The following DHX8 variants were observed in gnomAD, a reference collection of about 807,000 sequenced individuals.
The protein encoded by DHX8 is ATP-dependent RNA helicase DHX8.
Under a neutral mutation model 140.7 loss-of-function variants are expected in DHX8, and 67 were observed. The observed-to-expected ratio is 0.48, with a 90% CI of 0.39 to 0.58. DHX8 has a LOEUF of 0.58. Among genes scored for constraint, DHX8 ranks in the 20% least tolerant of loss-of-function variants. DHX8 has a pLI of 0.00. For missense variants in DHX8, 887 were observed against 1,550.7 expected, an observed-to-expected ratio of 0.57 and a Z score of 7.19; for synonymous variants, 533 against 553.2, an observed-to-expected ratio of 0.96 and a Z score of 0.51.
chr17:43,492,371 T>C, intron 5 of DHX8, 79 bp downstream of exon 5: 5 of 1,148,806 alleles, frequency 4.4e-6, no homozygotes, highest in Non-Finnish European at 6.4e-6. Flanking sequence ...AAGCAAAATT[T>C]TGGGCAAGTT....
intron 1 of DHX8, among the ~76,000 whole-genome samples, chr17:43,486,072 C>CT (rs1048933274): frequency 3.2e-5 from 4 of 124,618 alleles, no homozygotes; most frequent in Admixed American, 3.2e-4. Context: ...GCCATGGTGA[C>CT]TGGTGCTATG....
Position 43,513,417 on chromosome 17 carries a change from A to T in DHX8, c.2558A>T (p.Tyr853Phe). 1 of 1,614,016 alleles carries T rather than the reference A, an allele frequency of 6.2e-7. No homozygotes were observed. Among genetic ancestry groups the T allele is most frequent in the Non-Finnish European group, 8.5e-7 (1 of 1,179,980 alleles). ...ETSLTIDGIY[Y>F]VVDPGFVKQK... ...TCGCTGACTATTGATGGTATCTACT[A>T]TGTGGTGGACCCAGGATTCGTGAAA... is the stretch of plus-strand genomic sequence containing the variant. Residue 853 changes from tyrosine to phenylalanine, a missense_variant, in exon 17 of 23, where the codon TAT becomes TTT. Tyr to Phe is a conservative substitution (Grantham distance 22, BLOSUM62 3). Coordinates refer to ENST00000262415, the MANE Select transcript of DHX8 (RefSeq NM_004941.3).
Position 43,489,547 on chromosome 17 carries a change from G to A in DHX8, c.234+13G>A, listed in dbSNP as rs373845765. On this transcript the variant is annotated intron_variant, in intron 2 of 22. Coordinates refer to ENST00000262415, the MANE Select transcript of DHX8 (RefSeq NM_004941.3). ...TGCAGAATTTACGGTATGTATATGT[G>A]GAGAAGATAATCTGTAGATATTAAT... is the stretch of plus-strand genomic sequence containing the variant. 12 of 1,508,238 alleles carry A rather than the reference G, an allele frequency of 8.0e-6. No individual in the cohort carries two copies. The African/African-American group carries it at 9.7e-5, about 12-fold the overall frequency. 93.4% of individuals were successfully genotyped at this position (1,508,238 alleles called of 1,614,324 possible).
intron 4 of DHX8, among the ~76,000 whole-genome samples, chr17:43,491,816 T>C (rs1380143424): frequency 6.6e-6 from 1 of 152,100 alleles, no homozygotes; most frequent in African/African-American, 2.4e-5. Flanking sequence ...ATAAGGGCTA[T>C]TTAAAAAAAT....
chr17:43,485,053 G>A (rs987399312), intron 1 of DHX8, among the ~76,000 whole-genome samples: 1 of 152,194 alleles, frequency 6.6e-6, no homozygotes, highest in Admixed American at 6.5e-5. Context: ...ATAGACAGAT[G>A]GAGCCTTTAT....
At chr17:43,508,663 A>AG in intron 16 of DHX8, 143 bp downstream of exon 16, 1 of 561,150 alleles carries the variant, frequency 1.8e-6, no homozygotes, top group Non-Finnish European at 3.0e-6. Context: ...GCTCTCACCC[A>AG]GGCAGGAGTG....
At chr17:43,536,633 C>A in intron 3 of DHX8, 1 of 629,300 alleles carries the variant, frequency 1.6e-6, no homozygotes, top group Admixed American at 2.8e-5. Context: ...TCTTGGGCCA[C>A]ACATAAAATA....
At chr17:43,517,011 G>C (rs1970147971) in intron 17 of DHX8, among the ~76,000 whole-genome samples, 156 bp from the exon 18 acceptor site, 3 of 152,192 alleles carry the variant, frequency 2.0e-5, no homozygotes, top group South Asian at 4.1e-4. Flanking sequence ...GAAGATAAGA[G>C]CATTGGTAGT....
At chr17:43,513,653 T>C in intron 17 of DHX8, 151 bp downstream of exon 17, 1 of 669,470 alleles carries the variant, frequency 1.5e-6, no homozygotes, top group Non-Finnish European at 2.3e-6. Context: ...TTTTTTGTTA[T>C]TTGTTTTTAA....
chr17:43,492,576 C>T, intron 5 of DHX8, 105 bp from the exon 6 acceptor site: 1 of 689,434 alleles, frequency 1.5e-6, no homozygotes, highest in South Asian at 1.8e-5. Flanking sequence ...AGTTCAAAAC[C>T]TAGTGGGTAC....
At position 43,496,283 on chromosome 17, in the gene DHX8, G is replaced by A. The variant is rs369901462; in HGVS notation, c.1300+15G>A. 2 of 1,587,718 alleles carry A rather than the reference G, an allele frequency of 1.3e-6. No individual in the cohort carries two copies. Among genetic ancestry groups the A allele is most frequent in the African/African-American group, 2.7e-5 (2 of 74,308 alleles). ...TGATGAAGAAGGTAACTAGTCAGTT[G>A]GATCGAGAAGGGTAATTGGCAAGTT... On this transcript the variant is annotated intron_variant, in intron 9 of 22. Transcript: ENST00000262415.
At chr17:43,526,697 G>A, downstream of DHX8, 2 of 1,489,512 alleles carry the variant, frequency 1.3e-6, no homozygotes. Flanking sequence ...CTTCGTGTGT[G>A]TACTCGGCCT....
intron 3 of DHX8, among the ~76,000 whole-genome samples, chr17:43,543,096 C>A (rs537470411): frequency 6.6e-6 from 1 of 151,968 alleles, no homozygotes; most frequent in Non-Finnish European, 1.5e-5. Flanking sequence ...AGCATCCCCC[C>A]CTCAGACCTG....
At chr17:43,490,920 G>T (rs549270804) in intron 3 of DHX8, among the ~76,000 whole-genome samples, 1 of 152,032 alleles carries the variant, frequency 6.6e-6, no homozygotes, top group South Asian at 2.1e-4. Context: ...AAATAAAAAA[G>T]ATAAGACATA....
At chr17:43,526,329 G>A (rs572883233), downstream of DHX8, 356 of 1,433,102 alleles carry the variant, frequency 2.5e-4, no homozygotes, top group African/African-American at 4.6e-3. Context: ...CGAGAACCAA[G>A]CTCAGGAGTT....
At chr17:43,541,327 C>T (rs1265549219) in intron 3 of DHX8, among the ~76,000 whole-genome samples, 1 of 152,244 alleles carries the variant, frequency 6.6e-6, no homozygotes, top group Non-Finnish European at 1.5e-5. Context: ...GTGTACACCA[C>T]TCTCTTTATT....
intron 16 of DHX8, among the ~76,000 whole-genome samples, chr17:43,510,260 C>G (rs762457552): frequency 1.2e-4 from 19 of 152,098 alleles, no homozygotes; most frequent in Non-Finnish European, 2.8e-4. Flanking sequence ...TCTGGTCAGG[C>G]TGGTCTCGAA....
downstream of DHX8, chr17:43,530,199 G>T (rs1404765259): frequency 3.2e-6 from 5 of 1,553,112 alleles, no homozygotes; most frequent in Middle Eastern, 5.0e-4. Context: ...GGAAGAAGGG[G>T]TGATGTGAGA....
chr17:43,533,147 C>T lies in DHX8; in HGVS notation c.351-3265C>T, dbSNP rs761374706. The T allele has an allele frequency of 3.1e-6, 5 of 1,605,394 alleles. No individual in the cohort carries two copies. The South Asian group carries it at 5.5e-5, about 18-fold the overall frequency. ...GGAGAACACTCAGGAATTGAAAAAA[C>T]ACCTGGGCCCATGAGCAGTGGGTTT... On this transcript the variant is annotated intron_variant, in intron 2 of 3. Transcript: ENST00000589898.
Sources: gnomAD v4.1 joint callset for allele counts (sites outside exome capture counted in the v4.1 genomes callset) on GRCh38, gnomAD v4.1.1 for gene constraint, MANE v1.5 for transcripts, NCBI Gene and HGNC (gene_info 2026-07-23, HGNC 2026-07-21) for gene names.